The following KIAA1328 variants were observed in gnomAD, a reference collection of about 807,000 sequenced individuals.
KIAA1328 encodes KIAA1328.
In KIAA1328, 52 loss-of-function variants were observed where a neutral mutation model predicts 68.1. The ratio of observed to expected loss-of-function variants is 0.76; its 90% CI spans 0.61 to 0.96. KIAA1328 has a LOEUF of 0.96. KIAA1328 is among the 40% of genes least tolerant of loss of function. The probability of loss-of-function intolerance (pLI) is 0.00; values close to 1 mark genes in which losing one functional copy is unlikely to be tolerated. For missense variants in KIAA1328, 641 were observed against 677.6 expected (o/e 0.95, Z 0.60); for synonymous variants, 232 against 239.4 (o/e 0.97, Z 0.28).
chr18:37,149,878 C>G (rs901438522), intron 7 of KIAA1328, among the ~76,000 whole-genome samples: 5 of 152,024 alleles, frequency 3.3e-5, no homozygotes, highest in African/African-American at 1.2e-4. Flanking sequence ...TCAAGATGAT[C>G]AACCTACTAT....
chr18:37,055,144 C>T (rs955862161), intron 6 of KIAA1328, among the ~76,000 whole-genome samples: 1 of 152,142 alleles, frequency 6.6e-6, no homozygotes, highest in African/African-American at 2.4e-5. Flanking sequence ...CCTACAGCTT[C>T]GGCTGCTGAG....
intron 6 of KIAA1328, among the ~76,000 whole-genome samples, chr18:37,006,328 C>T (rs1172991140): frequency 6.6e-6 from 1 of 151,664 alleles, no homozygotes; most frequent in Admixed American, 6.6e-5. Flanking sequence ...GTCTGAGTCT[C>T]ACAAAATACT....
At chr18:37,061,229 A>G (rs2056134929) in intron 6 of KIAA1328, among the ~76,000 whole-genome samples, 1 of 152,240 alleles carries the variant, frequency 6.6e-6, no homozygotes, top group South Asian at 2.1e-4. Flanking sequence ...ACCAGGCACA[A>G]AAGAGTGACA....
intron 7 of KIAA1328, among the ~76,000 whole-genome samples, chr18:37,073,329 C>T (rs1400810322): frequency 6.6e-6 from 1 of 152,102 alleles, no homozygotes; most frequent in Non-Finnish European, 1.5e-5. Context: ...GGAAAAACAA[C>T]CCCATCAAAA....
intron 4 of KIAA1328, among the ~76,000 whole-genome samples, chr18:36,866,673 C>T (rs1011163850): frequency 2.6e-5 from 4 of 151,954 alleles, no homozygotes; most frequent in African/African-American, 9.7e-5. Context: ...TTTAATCAGT[C>T]AACTTTTGGA....
chr18:36,883,969 T>TATATATATATATATAC (rs1032694969), intron 4 of KIAA1328, among the ~76,000 whole-genome samples: 27 of 148,736 alleles, frequency 1.8e-4, no homozygotes, highest in African/African-American at 5.5e-4. Flanking sequence ...TATATATATA[T>TATATATATATATATAC]ACACACACAG....
At chr18:37,028,559 G>A (rs1026132321) in intron 6 of KIAA1328, among the ~76,000 whole-genome samples, 3 of 150,812 alleles carry the variant, frequency 2.0e-5, no homozygotes, top group Non-Finnish European at 4.4e-5. Flanking sequence ...TTCCACTACT[G>A]TGTCAAATAG....
intron 7 of KIAA1328, among the ~76,000 whole-genome samples, chr18:37,142,296 A>G (rs2058783878): frequency 6.6e-6 from 1 of 151,950 alleles, no homozygotes; most frequent in African/African-American, 2.4e-5. Context: ...GGTTCAAGCA[A>G]TTCTCCTGCC....
intron 9 of KIAA1328, among the ~76,000 whole-genome samples, chr18:37,210,348 A>G (rs2060293510): frequency 6.6e-6 from 1 of 152,118 alleles, no homozygotes; most frequent in South Asian, 2.1e-4. Flanking sequence ...GCTTGGTCCA[A>G]ATTACCTCCA....
At chr18:37,024,375 T>TTATA (rs56007377) in intron 6 of KIAA1328, among the ~76,000 whole-genome samples, 289 of 146,158 alleles carry the variant, frequency 2.0e-3, no homozygotes, top group African/African-American at 3.5e-3. Flanking sequence ...TTACTTTATT[T>TTATA]TATATATATA....
chr18:37,185,070 G>A (rs942193980), intron 9 of KIAA1328, among the ~76,000 whole-genome samples: 2 of 151,988 alleles, frequency 1.3e-5, no homozygotes, highest in Non-Finnish European at 2.9e-5. Flanking sequence ...GGAGGCTGAG[G>A]CAGGAGAATG....
At chr18:37,033,988 A>T (rs1352644256) in intron 6 of KIAA1328, among the ~76,000 whole-genome samples, 1 of 152,182 alleles carries the variant, frequency 6.6e-6, no homozygotes, top group Non-Finnish European at 1.5e-5. Context: ...GACCAGTTGT[A>T]TATTTTGTCT....
intron 5 of KIAA1328, among the ~76,000 whole-genome samples, chr18:36,950,667 G>T (rs1039332978): frequency 6.6e-6 from 1 of 152,106 alleles, no homozygotes; most frequent in Non-Finnish European, 1.5e-5. Flanking sequence ...TAGGCAGAAC[G>T]TTATGCCTAG....
chr18:36,881,983 ATGGTAACTCTG>A (rs1406364896), intron 4 of KIAA1328, among the ~76,000 whole-genome samples: 1 of 152,174 alleles, frequency 6.6e-6, no homozygotes, highest in Non-Finnish European at 1.5e-5. Context: ...GCTGGGTTGT[ATGGTAACTCTG>A]TGTTTAACTT....
At chr18:37,057,488 C>T (rs937309490) in intron 6 of KIAA1328, among the ~76,000 whole-genome samples, 19 of 149,328 alleles carry the variant, frequency 1.3e-4, no homozygotes, top group Non-Finnish European at 2.4e-4. Context: ...AGTGCGGTGG[C>T]GCGATCTCGG....
intron 5 of KIAA1328, chr18:36,903,659 G>A (rs1471600055): frequency 1.3e-5 from 2 of 152,124 alleles, no homozygotes; most frequent in African/African-American, 2.4e-5. Context: ...GTAAATAATA[G>A]TATTCATTCC....
At chr18:37,082,590 A>G (rs1365994061) in intron 7 of KIAA1328, among the ~76,000 whole-genome samples, 1 of 152,232 alleles carries the variant, frequency 6.6e-6, no homozygotes, top group Non-Finnish European at 1.5e-5. Flanking sequence ...TGAATACCAA[A>G]TGAGTAGCAC....
At chr18:36,861,300 T>C (rs892243351) in intron 4 of KIAA1328, among the ~76,000 whole-genome samples, 33 of 152,344 alleles carry the variant, frequency 2.2e-4, no homozygotes, top group African/African-American at 7.2e-4. Flanking sequence ...GTTGATGTGT[T>C]GATATGTCTT....
intron 5 of KIAA1328, among the ~76,000 whole-genome samples, chr18:36,904,331 ATC>A (rs1393345769): frequency 6.6e-6 from 1 of 152,114 alleles, no homozygotes; most frequent in Non-Finnish European, 1.5e-5. Context: ...GGGTATTAAT[ATC>A]TCTGAGTGTA....
Sources: allele counts gnomAD v4.1 joint callset (sites outside exome capture counted in the v4.1 genomes callset), GRCh38; gene constraint gnomAD v4.1.1; transcripts MANE v1.5; gene names NCBI Gene and HGNC (gene_info 2026-07-23, HGNC 2026-07-21).